Variants in DOCK9 observed in about 807,000 individuals in gnomAD.
The protein encoded by DOCK9 is dedicator of cytokinesis protein 9.
A neutral mutation model predicts 263.3 loss-of-function variants in DOCK9; 89 were observed. The observed-to-expected ratio is 0.34, with a 90% confidence interval of 0.28 to 0.40. The LOEUF (loss-of-function observed/expected upper bound fraction) is 0.40. Among genes scored for constraint, DOCK9 ranks in the 10% least tolerant of loss-of-function variants. DOCK9 has a pLI of 1.00. For synonymous variants in DOCK9, 976 were observed against 973.1 expected (o/e 1.00, Z -0.06); for missense variants, 2,140 against 2,603.4 (o/e 0.82, Z 3.87).
At chr13:98,812,308 CCTTGAAGAG>C (rs1291638778) in intron 45 of DOCK9, among the ~76,000 whole-genome samples, 1 of 150,614 alleles carries the variant, frequency 6.6e-6, no homozygotes, top group African/African-American at 2.5e-5. Context: ...GCCTCTTGCT[CCTTGAAGAG>C]CTTACAGTCT....
At chr13:98,803,702 A>C (rs2090375468) in intron 49 of DOCK9, among the ~76,000 whole-genome samples, 1 of 152,004 alleles carries the variant, frequency 6.6e-6, no homozygotes, top group African/African-American at 2.4e-5. Flanking sequence ...ATTTGGCTTA[A>C]TGAGAATTTG....
intron 39 of DOCK9, among the ~76,000 whole-genome samples, chr13:98,833,893 A>T (rs1031896186): frequency 3.3e-5 from 5 of 152,248 alleles, no homozygotes; most frequent in African/African-American, 1.2e-4. Flanking sequence ...CACAGGGGAC[A>T]AAAAGAGCAA....
intron 1 of DOCK9, among the ~76,000 whole-genome samples, chr13:99,036,588 C>T (rs1280895849): frequency 6.6e-6 from 1 of 152,164 alleles, no homozygotes; most frequent in African/African-American, 2.4e-5. Context: ...TGTCACCAGG[C>T]TGGAGTCCAG....
chr13:98,858,692 GTGGATT>G (rs2141794351), intron 33 of DOCK9: 1 of 152,330 alleles, frequency 6.6e-6, no homozygotes, highest in African/African-American at 2.4e-5. Context: ...CCTATGAAAA[GTGGATT>G]TGGATCTTAA....
intron 1 of DOCK9, among the ~76,000 whole-genome samples, chr13:99,082,439 A>T (rs2042159485): frequency 6.6e-6 from 1 of 151,730 alleles, no homozygotes; most frequent in Non-Finnish European, 1.5e-5. Context: ...GAACCACTTG[A>T]ACCCGGGAAG....
intron 1 of DOCK9, among the ~76,000 whole-genome samples, chr13:99,070,372 A>G (rs2041616126): frequency 6.6e-6 from 1 of 152,180 alleles, no homozygotes; most frequent in Non-Finnish European, 1.5e-5. Flanking sequence ...TCATATTCCT[A>G]TCTTTTCATG....
intron 1 of DOCK9, among the ~76,000 whole-genome samples, chr13:99,056,581 G>T (rs1215599754): frequency 6.6e-6 from 1 of 152,160 alleles, no homozygotes; most frequent in African/African-American, 2.4e-5. Context: ...GAGCAACCTA[G>T]AAGTCATTTC....
chr13:98,878,812 C>T (rs929035842), intron 27 of DOCK9, among the ~76,000 whole-genome samples: 3 of 152,224 alleles, frequency 2.0e-5, no homozygotes, highest in African/African-American at 7.2e-5. Flanking sequence ...AGGCCTGAAC[C>T]ATCAACCTTC....
At chr13:98,988,872 G>A (rs1019596762) in intron 1 of DOCK9, among the ~76,000 whole-genome samples, 17 of 152,202 alleles carry the variant, frequency 1.1e-4, no homozygotes, top group Non-Finnish European at 1.9e-4. Context: ...TAATTCCCCC[G>A]TGAAAGAAGT....
At chr13:98,957,749 A>G (rs1315520969) in intron 1 of DOCK9, among the ~76,000 whole-genome samples, 1 of 152,226 alleles carries the variant, frequency 6.6e-6, no homozygotes, top group Non-Finnish European at 1.5e-5. Flanking sequence ...TTCCCTAGGA[A>G]CCGTAACCAT....
chr13:98,809,015 G>A, intron 47 of DOCK9: 1 of 1,360,444 alleles, frequency 7.4e-7, no homozygotes, highest in Non-Finnish European at 9.8e-7. Flanking sequence ...TTTTTTTGGA[G>A]TTTGTAATAA....
At chr13:98,991,637 T>G (rs11618015) in intron 1 of DOCK9, among the ~76,000 whole-genome samples, 2 of 151,474 alleles carry the variant, frequency 1.3e-5, no homozygotes, top group Admixed American at 1.3e-4. Flanking sequence ...TTTTTTATGG[T>G]TTTTAATATA....
intron 1 of DOCK9, among the ~76,000 whole-genome samples, chr13:99,056,630 C>T (rs1596000459): frequency 6.6e-6 from 1 of 152,186 alleles, no homozygotes; most frequent in Admixed American, 6.5e-5. Context: ...ACTCCTCCCC[C>T]ACCAATTCTA....
chr13:99,022,787 G>A (rs1315436885), intron 1 of DOCK9, among the ~76,000 whole-genome samples: 1 of 152,118 alleles, frequency 6.6e-6, no homozygotes, highest in Non-Finnish European at 1.5e-5. Context: ...ATAAAAAAAA[G>A]AAATTTGAAA....
intron 1 of DOCK9, among the ~76,000 whole-genome samples, chr13:99,066,707 G>A (rs896831406): frequency 2.6e-5 from 4 of 151,608 alleles, no homozygotes; most frequent in Admixed American, 2.6e-4. Flanking sequence ...TAGCTTAAAA[G>A]GAAATTACCT....
intron 1 of DOCK9, among the ~76,000 whole-genome samples, chr13:99,053,913 GA>G (rs34293799): frequency 2.7e-5 from 4 of 149,672 alleles, no homozygotes; most frequent in South Asian, 4.2e-4. Context: ...ATCTTGCATT[GA>G]AAAAAAAACA....
At chr13:99,064,710 A>G (rs2142318960) in intron 1 of DOCK9, among the ~76,000 whole-genome samples, 1 of 152,344 alleles carries the variant, frequency 6.6e-6, no homozygotes, top group Non-Finnish European at 1.5e-5. Flanking sequence ...CTGAAAACTG[A>G]TATGAAGTCA....
chr13:98,825,760 G>C lies in DOCK9; in HGVS notation c.5023+1070C>G, dbSNP rs185216770. 3 of 652,654 alleles carry C rather than the reference G, an allele frequency of 4.6e-6. No homozygotes were observed. The highest frequency in any genetic ancestry group is 1.9e-5 in the African/African-American group (1 of 52,950). 40.4% of individuals were successfully genotyped at this position (652,654 alleles called of 1,614,324 possible). On this transcript the variant is annotated intron_variant, in intron 44 of 52. Coordinates refer to ENST00000682017, the MANE Select transcript of DOCK9 (RefSeq NM_001366683.2). The surrounding 1 kb of genome is among the most constrained non-coding windows in gnomAD (Gnocchi z 4.1). ...AACCAGAGAGCCACAGAGTAGGAGG[G>C]AAGGAGAGTGAAGTCTGTCCATGCA...
chr13:99,043,908 C>T (rs1888714023), intron 1 of DOCK9, among the ~76,000 whole-genome samples: 1 of 152,154 alleles, frequency 6.6e-6, no homozygotes, highest in Non-Finnish European at 1.5e-5. Context: ...GACCATCCCT[C>T]CACACCAGCC....
Sources: allele counts gnomAD v4.1 joint callset (sites outside exome capture counted in the v4.1 genomes callset), GRCh38; gene constraint gnomAD v4.1.1; non-coding constraint Gnocchi (gnomAD v3.1); transcripts MANE v1.5; gene names NCBI Gene and HGNC (gene_info 2026-07-23, HGNC 2026-07-21).